ARID5B: variants seen among roughly 807,000 people sequenced by gnomAD.
ARID5B encodes the protein AT-rich interaction domain 5B, also known as AT-rich interactive domain-containing protein 5B.
A neutral mutation model predicts 97.2 loss-of-function variants in ARID5B; 13 were observed. That is an observed-to-expected ratio of 0.13 (90% CI 0.09 to 0.21). The LOEUF (loss-of-function observed/expected upper bound fraction) is 0.21. Among genes scored for constraint, ARID5B ranks in the 10% least tolerant of loss-of-function variants. The pLI is 1.00. For missense variants in ARID5B, 1,210 were observed against 1,465.3 expected, an observed-to-expected ratio of 0.83 and a Z score of 2.84; for synonymous variants, 556 against 570.3, an observed-to-expected ratio of 0.97 and a Z score of 0.36.
chr10:61,923,525 G>T (rs934430018), intron 2 of ARID5B, among the ~76,000 whole-genome samples: 2 of 152,124 alleles, frequency 1.3e-5, no homozygotes, highest in Non-Finnish European at 2.9e-5. Flanking sequence ...AATATTTGTT[G>T]AACTGATAAA....
chr10:61,930,671 G>A (rs1023488559), intron 2 of ARID5B, among the ~76,000 whole-genome samples: 1 of 151,808 alleles, frequency 6.6e-6, no homozygotes, highest in Non-Finnish European at 1.5e-5. Context: ...AGTGAACCGA[G>A]ATGGCACCAC....
intron 3 of ARID5B, among the ~76,000 whole-genome samples, chr10:61,994,245 T>A (rs1838966721): frequency 6.6e-6 from 1 of 152,192 alleles, no homozygotes. Flanking sequence ...GGCGAAGGTT[T>A]TTTTTTAAAA....
At chr10:61,968,779 T>C (rs1431880409) in intron 3 of ARID5B, among the ~76,000 whole-genome samples, 1 of 152,206 alleles carries the variant, frequency 6.6e-6, no homozygotes, top group African/African-American at 2.4e-5. Flanking sequence ...TGAATCAGCG[T>C]ATTACTCCTT....
chr10:61,926,959 C>T (rs71468964), intron 2 of ARID5B, among the ~76,000 whole-genome samples: 136 of 152,104 alleles, frequency 8.9e-4, no homozygotes, highest in African/African-American at 3.0e-3. Flanking sequence ...AAAGTAATTG[C>T]GGTTTTTGCC....
intron 2 of ARID5B, among the ~76,000 whole-genome samples, chr10:61,938,390 C>T (rs116225008): frequency 2.3e-4 from 35 of 152,286 alleles, no homozygotes; most frequent in African/African-American, 7.9e-4. Context: ...TCTCTCTTTA[C>T]TAATGTTGAG....
chr10:61,992,310 T>G (rs1351521647), intron 3 of ARID5B, among the ~76,000 whole-genome samples: 2 of 152,182 alleles, frequency 1.3e-5, no homozygotes, highest in Non-Finnish European at 2.9e-5. Context: ...CAGTGACCCT[T>G]TGGGACAACC....
At chr10:62,028,064 T>C (rs1386967851) in intron 4 of ARID5B, among the ~76,000 whole-genome samples, 1 of 152,212 alleles carries the variant, frequency 6.6e-6, no homozygotes, top group Non-Finnish European at 1.5e-5. Flanking sequence ...TAACTCTAAG[T>C]CACAGAAAAC....
chr10:61,991,584 G>T (rs1188713453), intron 3 of ARID5B, among the ~76,000 whole-genome samples: 1 of 152,068 alleles, frequency 6.6e-6, no homozygotes, highest in Non-Finnish European at 1.5e-5. Flanking sequence ...CCCTTATCAG[G>T]TATATGCTTT....
chr10:62,067,066 G>A (rs556777771), intron 7 of ARID5B, among the ~76,000 whole-genome samples: 6 of 152,122 alleles, frequency 3.9e-5, no homozygotes, highest in South Asian at 4.2e-4. Flanking sequence ...TTTGTGACTC[G>A]GTGGTGAACT....
intron 3 of ARID5B, among the ~76,000 whole-genome samples, chr10:61,947,350 C>T (rs1253424979): frequency 1.4e-5 from 2 of 145,946 alleles, no homozygotes; most frequent in African/African-American, 5.1e-5. Flanking sequence ...CTCACTGTAA[C>T]GTCTGCTTCC....
At chr10:62,031,751 A>T (rs911138021) in intron 4 of ARID5B, among the ~76,000 whole-genome samples, 1 of 151,782 alleles carries the variant, frequency 6.6e-6, no homozygotes, top group African/African-American at 2.4e-5. Context: ...CTAAAGGAGC[A>T]GCTGCTTTTC....
intron 2 of ARID5B, among the ~76,000 whole-genome samples, chr10:61,928,478 T>G (rs1291711450): frequency 2.6e-5 from 4 of 152,040 alleles, no homozygotes; most frequent in Non-Finnish European, 5.9e-5. Context: ...TTTTTGTATT[T>G]TTTGTAGAGA....
intron 3 of ARID5B, among the ~76,000 whole-genome samples, chr10:61,941,971 T>C (rs982673470): frequency 6.6e-6 from 1 of 152,238 alleles, no homozygotes; most frequent in African/African-American, 2.4e-5. Context: ...ATTACCATTG[T>C]CTTATGTTTT....
intron 6 of ARID5B, among the ~76,000 whole-genome samples, chr10:62,058,514 T>TGGTATA (rs1490644680): frequency 3.3e-5 from 5 of 152,202 alleles, no homozygotes; most frequent in African/African-American, 4.8e-5. Flanking sequence ...GCTAGCAATT[T>TGGTATA]GGTATAGTTG....
intron 4 of ARID5B, among the ~76,000 whole-genome samples, chr10:62,035,125 C>T (rs566008793): frequency 6.6e-6 from 1 of 152,298 alleles, no homozygotes; most frequent in Non-Finnish European, 1.5e-5. Flanking sequence ...TATATGTCTT[C>T]CCCTTATTAA....
chr10:61,984,055 T>A (rs986850446), intron 3 of ARID5B, among the ~76,000 whole-genome samples: 2 of 152,230 alleles, frequency 1.3e-5, no homozygotes, highest in African/African-American at 4.8e-5. Flanking sequence ...CTTACTGTTG[T>A]ACCAACCATA....
chr10:62,077,341 TA>T (rs1172772715), intron 8 of ARID5B, among the ~76,000 whole-genome samples: 1 of 152,104 alleles, frequency 6.6e-6, no homozygotes, highest in Admixed American at 6.5e-5. Context: ...GTTTCTATTT[TA>T]AAAAAATAAA....
In ARID5B at chr10:62,085,798, T is replaced by C; in HGVS notation, c.1296T>C (p.Asn432=). The change falls in exon 9 of 10, where the codon AAT becomes AAC. Residue 432 remains asparagine, a synonymous_variant. Coordinates refer to ENST00000279873, the MANE Select transcript of ARID5B (RefSeq NM_032199.3). ...PRKQENSSQE[N]ENKTKVSGTK... is the part of the protein sequence containing the mutation. The stretch of plus-strand genomic sequence containing the variant: ...AACAGGAGAACAGTTCACAGGAAAA[T>C]GAGAACAAAACAAAAGTATCTGGAA... The C allele has an allele frequency of 6.2e-7, 1 of 1,613,480 alleles. No homozygotes were observed. The highest frequency in any genetic ancestry group is 8.5e-7 in the Non-Finnish European group (1 of 1,179,668).
chr10:61,926,544 C>T (rs1187230866), intron 2 of ARID5B, among the ~76,000 whole-genome samples: 1 of 152,096 alleles, frequency 6.6e-6, no homozygotes, highest in African/African-American at 2.4e-5. Context: ...CAGCTGTGTC[C>T]TTGAGAGCTG....
Sources: gnomAD v4.1 joint callset for allele counts (sites outside exome capture counted in the v4.1 genomes callset) on GRCh38, gnomAD v4.1.1 for gene constraint, MANE v1.5 for transcripts, NCBI Gene and HGNC (gene_info 2026-07-23, HGNC 2026-07-21) for gene names.